The following CHRM2 variants were observed in gnomAD, a reference collection of about 807,000 sequenced individuals.
CHRM2 encodes muscarinic acetylcholine receptor M2.
Under a neutral mutation model 25.0 loss-of-function variants are expected in CHRM2, and 8 were observed. The observed-to-expected ratio is 0.32, with a 90% CI of 0.19 to 0.58. CHRM2 has a LOEUF of 0.58. CHRM2 is among the 20% of genes least tolerant of loss of function. The pLI is 0.88. For missense variants in CHRM2, 440 were observed against 567.1 expected (o/e 0.78, Z 2.28); for synonymous variants, 202 against 205.7 (o/e 0.98, Z 0.15).
rs567394164 is a variant in CHRM2, at chr7:137,015,102, G to C, written c.237G>C (p.Leu79Phe). The change falls in exon 4 of 4, where the codon TTG becomes TTC. Residue 79 changes from leucine to phenylalanine, a missense_variant. Physicochemically the swap from Leu to Phe is conservative, Grantham distance 22. This residue lies in a region of CHRM2 where 86 missense variants were observed against 124.9 expected (regional missense o/e 0.69). Transcript: ENST00000680005. The surrounding 1 kb of genome is among the most constrained non-coding windows in gnomAD (Gnocchi z 5.1). ...TCATAGGTGTTTTCTCCATGAACTT[G>C]TACACCCTCTACACTGTGATTGGTT... ...DLIIGVFSMN[L>F]YTLYTVIGYW... The C allele has an allele frequency of 6.2e-7, 1 of 1,613,422 alleles. No homozygotes were observed. Among genetic ancestry groups the C allele is most frequent in the African/African-American group, 1.3e-5 (1 of 74,958 alleles).
chr7:136,913,695 A>G (rs1488198598), intron 2 of CHRM2, among the ~76,000 whole-genome samples: 1 of 151,948 alleles, frequency 6.6e-6, no homozygotes, highest in African/African-American at 2.4e-5. Context: ...AGTGCCTACT[A>G]ACTGCTTATC....
At chr7:136,922,945 T>C (rs966735344) in intron 2 of CHRM2, among the ~76,000 whole-genome samples, 1 of 152,196 alleles carries the variant, frequency 6.6e-6, no homozygotes, top group African/African-American at 2.4e-5. Context: ...TGAGTATCAA[T>C]GTACTTATCT....
At chr7:136,992,555 G>A (rs113553268) in intron 3 of CHRM2, among the ~76,000 whole-genome samples, 14 of 152,184 alleles carry the variant, frequency 9.2e-5, no homozygotes, top group Non-Finnish European at 1.5e-4. Flanking sequence ...ACACCCTACC[G>A]TAAGCACGTG....
intron 2 of CHRM2, among the ~76,000 whole-genome samples, chr7:136,873,382 A>C (rs1218106276): frequency 6.6e-6 from 1 of 152,218 alleles, no homozygotes; most frequent in Non-Finnish European, 1.5e-5. Flanking sequence ...CATTATTCTA[A>C]GCATCTTCCC....
At chr7:136,949,459 T>TAAAAAAAAAAAAAAAAAAAAAAAA (rs386411435) in intron 2 of CHRM2, among the ~76,000 whole-genome samples, 3 of 120,856 alleles carry the variant, frequency 2.5e-5, no homozygotes, top group African/African-American at 9.9e-5. Flanking sequence ...TCTGCAAAAC[T>TAAAAAAAAAAAAAAAAAAAAAAAA]AAAAAAAAAA....
At chr7:136,940,662 A>C (rs1563079300) in intron 2 of CHRM2, among the ~76,000 whole-genome samples, 1 of 152,318 alleles carries the variant, frequency 6.6e-6, no homozygotes, top group African/African-American at 2.4e-5. Flanking sequence ...AGGATGCATA[A>C]AAATAATATA....
At chr7:136,921,794 C>CTTTTTTTTTTTTTTTTTTTTTT (rs398006503) in intron 2 of CHRM2, among the ~76,000 whole-genome samples, 8 of 116,536 alleles carry the variant, frequency 6.9e-5, no homozygotes, top group South Asian at 5.0e-4. Context: ...TTCTTTCTTT[C>CTTTTTTTTTTTTTTTTTTTTTT]TTTTTTTTGA....
In CHRM2 at chr7:136,930,898, C is replaced by CAAAAAAAAAAAAAAAAA. The variant is rs57705639; in HGVS notation, c.-124-61276_-124-61260dup. ...GGCTACAGAGCCAGACTCATTCTCTCAAAAAAAAAAAAAAAAAAAAAAAAA... is the reference window on the plus strand; with the variant it reads ...GGCTACAGAGCCAGACTCATTCTCTCAAAAAAAAAAAAAAAAAAAAAAAAAAAAAAAAAAAAAAAAAA... On this transcript the variant is annotated intron_variant, in intron 2 of 3. Transcript: ENST00000680005. Among the ~76,000 whole-genome samples the CAAAAAAAAAAAAAAAAA allele has an allele frequency of 2.6e-3, 161 of 61,140 alleles. 6 individuals carry two copies. Among genetic ancestry groups the CAAAAAAAAAAAAAAAAA allele is most frequent in the Non-Finnish European group, 4.3e-3 (114 of 26,678 alleles). The allele number at this position is 61,140 out of a possible 152,430, so 40.1% of individuals were successfully genotyped here.
At chr7:137,003,673 T>C (rs963320774) in intron 3 of CHRM2, among the ~76,000 whole-genome samples, 1 of 152,152 alleles carries the variant, frequency 6.6e-6, no homozygotes, top group African/African-American at 2.4e-5. Flanking sequence ...CAGGTGTGTA[T>C]ACTCCTAACC....
intron 2 of CHRM2, among the ~76,000 whole-genome samples, chr7:136,968,470 G>A (rs1022936575): frequency 2.7e-4 from 41 of 151,836 alleles, no homozygotes; most frequent in African/African-American, 9.9e-4. Context: ...CAGTACGGAG[G>A]TTCCTCAAAA....
chr7:136,974,090 A>G (rs374290188), intron 2 of CHRM2, among the ~76,000 whole-genome samples: 44 of 152,184 alleles, frequency 2.9e-4, no homozygotes, highest in African/African-American at 1.0e-3. Context: ...AATCATAAAT[A>G]AAATAAATAA....
chr7:136,990,508 A>G (rs1356932199), intron 2 of CHRM2, among the ~76,000 whole-genome samples: 2 of 152,100 alleles, frequency 1.3e-5, no homozygotes, highest in Non-Finnish European at 1.5e-5. Flanking sequence ...TCACGTAACA[A>G]TATGCATTTA....
At chr7:136,996,758 C>T (rs902151379) in intron 3 of CHRM2, among the ~76,000 whole-genome samples, 6 of 152,024 alleles carry the variant, frequency 3.9e-5, no homozygotes, top group Admixed American at 3.3e-4. Context: ...TAGATGTTTT[C>T]GAATGTCATA....
At chr7:136,994,637 T>A (rs558697619) in intron 3 of CHRM2, among the ~76,000 whole-genome samples, 1 of 150,774 alleles carries the variant, frequency 6.6e-6, no homozygotes, top group East Asian at 2.0e-4. Context: ...TCCAAGCGAT[T>A]CTCCCTTTTT....
chr7:136,950,806 G>A (rs1179690951), intron 2 of CHRM2, among the ~76,000 whole-genome samples: 13 of 151,908 alleles, frequency 8.6e-5, no homozygotes, highest in Admixed American at 8.5e-4. Flanking sequence ...TGTTGTTGTT[G>A]TTGTTGTTGT....
At chr7:136,960,752 A>G (rs778342183) in intron 2 of CHRM2, among the ~76,000 whole-genome samples, 14 of 152,210 alleles carry the variant, frequency 9.2e-5, no homozygotes, top group African/African-American at 1.4e-4. Flanking sequence ...AACCAATCTC[A>G]TAAGTACAGA....
intron 2 of CHRM2, among the ~76,000 whole-genome samples, chr7:136,889,383 A>G (rs1487882327): frequency 6.6e-6 from 1 of 152,252 alleles, no homozygotes; most frequent in East Asian, 1.9e-4. Context: ...TACTGCTTTC[A>G]CATTTTTTTC....
intron 2 of CHRM2, among the ~76,000 whole-genome samples, chr7:136,891,127 T>C (rs577942213): frequency 6.6e-6 from 1 of 152,368 alleles, no homozygotes; most frequent in South Asian, 2.1e-4. Context: ...GTTTTCTCTG[T>C]TACTAAGATC....
intron 2 of CHRM2, among the ~76,000 whole-genome samples, chr7:136,920,555 G>A (rs1168127837): frequency 6.6e-6 from 1 of 152,094 alleles, no homozygotes; most frequent in Non-Finnish European, 1.5e-5. Flanking sequence ...TGAAGGCACT[G>A]ACCCCGGGGT....
Sources: allele counts gnomAD v4.1 joint callset (sites outside exome capture counted in the v4.1 genomes callset), GRCh38; gene constraint gnomAD v4.1.1; regional missense constraint gnomAD v4.1.1; non-coding constraint Gnocchi (gnomAD v3.1); transcripts MANE v1.5; gene names NCBI Gene and HGNC (gene_info 2026-07-23, HGNC 2026-07-21).